Variants in NIBAN1 observed in about 807,000 individuals in gnomAD.
NIBAN1 encodes the protein protein Niban 1.
NIBAN1 carries 81 observed loss-of-function variants against 75.1 expected under a neutral mutation model. The observed-to-expected ratio is 1.08, with a 90% CI of 0.90 to 1.30. The LOEUF (loss-of-function observed/expected upper bound fraction) is 1.30, where lower values mean the gene tolerates loss of function less well. NIBAN1 is among the 50% of genes most tolerant of loss of function. NIBAN1 has a pLI of 0.00. For synonymous variants in NIBAN1, 436 were observed against 424.8 expected, an observed-to-expected ratio of 1.03 and a Z score of -0.32; for missense variants, 1,133 against 1,128.1, an observed-to-expected ratio of 1.00 and a Z score of -0.06.
In NIBAN1 at chr1:184,803,639, T is replaced by C. The variant is rs765563101; in HGVS notation, c.1500A>G (p.Leu500=). The C allele has an allele frequency of 6.2e-7, 1 of 1,614,232 alleles. No individual in the cohort carries two copies. Among genetic ancestry groups the C allele is most frequent in the Non-Finnish European group, 8.5e-7 (1 of 1,180,044 alleles). ...TIRKKIFQEA[L]VQITLPTVQK... The stretch of plus-strand genomic sequence containing the variant: ...GCACAGTGGGAAGTGTGATTTGAAC[T>C]AGTGCCTCTTGAAATATCTTCTTTC... Residue 500 remains leucine (L), a synonymous_variant, in exon 12 of 14, where the codon CTA becomes CTG. Coordinates refer to ENST00000367511, the MANE Select transcript of NIBAN1 (RefSeq NM_052966.4).
At chr1:184,801,617 G>T (rs80216839) in intron 12 of NIBAN1, among the ~76,000 whole-genome samples, 8,058 of 152,244 alleles carry the variant, frequency 0.053, 238 homozygotes, top group Middle Eastern at 0.065. Context: ...AGCAGAGTTT[G>T]GCACTTTCCT....
chr1:184,823,342 A>G lies in NIBAN1; in HGVS notation c.823-13T>C. On this transcript the variant is annotated splice_polypyrimidine_tract_variant and intron_variant, in intron 7 of 13. Coordinates refer to ENST00000367511, the MANE Select transcript of NIBAN1 (RefSeq NM_052966.4). ...CCTCCTCGAGGAGCTGCAACAAGGA[A>G]TAACACATAAATCAGGGCTCTGTCA... is the stretch of plus-strand genomic sequence containing the variant. The G allele has an allele frequency of 1.9e-6, 3 of 1,613,784 alleles. No individual in the cohort carries two copies. The highest frequency in any genetic ancestry group is 1.1e-5 in the South Asian group (1 of 91,056).
intron 1 of NIBAN1, among the ~76,000 whole-genome samples, chr1:184,926,219 A>G (rs1557917282): frequency 6.6e-6 from 1 of 151,948 alleles, no homozygotes; most frequent in Non-Finnish European, 1.5e-5. Context: ...TTGGAGCTCC[A>G]TCGTATGTTT....
chr1:184,935,124 CA>C lies in NIBAN1; in HGVS notation c.56-35816del, dbSNP rs201472819. Among the ~76,000 whole-genome samples, 1,427 of 151,024 alleles carry C rather than the reference CA, an allele frequency of 9.4e-3. 13 individuals are homozygous for C. The highest frequency in any genetic ancestry group is 0.033 in the African/African-American group (1,347 of 40,680). Reference sequence around the variant, plus strand: ...TTTTAGACCATCATTTAATAGCAGACATTTTTTTTTTAAGTTTTAGCAAATG... The same window carrying C: ...TTTTAGACCATCATTTAATAGCAGACTTTTTTTTTTAAGTTTTAGCAAATG... On this transcript the variant is annotated intron_variant, in intron 1 of 13. Transcript: ENST00000367511.
chr1:184,974,462 A>C lies in NIBAN1; in HGVS notation c.-106T>G, dbSNP rs964780493. ...AACCCGGCTCTGAAATTAAGAGCAAACTTCCTTCGAGAGGCGAGAGACAGG... is the reference window on the plus strand; with the variant it reads ...AACCCGGCTCTGAAATTAAGAGCAACCTTCCTTCGAGAGGCGAGAGACAGG... On this transcript the variant is annotated 5_prime_UTR_variant, in exon 1 of 14. Coordinates refer to ENST00000367511, the MANE Select transcript of NIBAN1 (RefSeq NM_052966.4). The C allele has an allele frequency of 8.5e-6, 12 of 1,409,398 alleles. No homozygotes were observed. The Admixed American group carries it at 2.1e-4, about 24-fold the overall frequency. The allele number at this position is 1,409,398 out of a possible 1,614,324, so 87.3% of individuals were successfully genotyped here. A position where few individuals can be genotyped will look rare whatever the true frequency, so the allele number is the denominator to read the frequency against.
chr1:184,969,320 T>C (rs1196986272), intron 1 of NIBAN1, among the ~76,000 whole-genome samples: 2 of 152,200 alleles, frequency 1.3e-5, no homozygotes, highest in African/African-American at 2.4e-5. Context: ...CTAGCTTCTT[T>C]TCTCTGAGAC....
Position 184,825,596 on chromosome 1 carries a change from T to C in NIBAN1, c.718-1854A>G, listed in dbSNP as rs186601976. Among the ~76,000 whole-genome samples, 205 of 152,362 alleles carry C rather than the reference T, an allele frequency of 1.3e-3. 1 individual carries two copies. The highest frequency in any genetic ancestry group is 2.3e-3 in the Non-Finnish European group (158 of 68,040). On this transcript the variant is annotated intron_variant, in intron 6 of 13. Coordinates refer to ENST00000367511, the MANE Select transcript of NIBAN1 (RefSeq NM_052966.4). ...TTTTCAAGTGTTTTTAAAAAATGTG[T>C]TCCCACATCACTCCTAAAATTTTGC...
At position 184,970,773 on chromosome 1, in the gene NIBAN1, G is replaced by A. The variant is rs115617232; in HGVS notation, c.55+3529C>T. 3.7e-3 allele frequency among the ~76,000 whole-genome samples: 564 copies of A among 152,264 alleles called. 5 individuals carry two copies. The highest frequency in any genetic ancestry group is 0.013 in the African/African-American group (539 of 41,536). ...GTTTATCCCATGGTTTTCAGCTGCG[G>A]CACTGACTGTCCAGTACTTTTCTGA... On this transcript the variant is annotated intron_variant, in intron 1 of 13. Transcript: ENST00000367511.
At chr1:184,842,087 G>A (rs1655301964) in intron 5 of NIBAN1, among the ~76,000 whole-genome samples, 1 of 152,206 alleles carries the variant, frequency 6.6e-6, no homozygotes, top group Admixed American at 6.5e-5. Context: ...TAGAAGGGGT[G>A]CTGGTTTAAA....
rs1390992121 is a variant in NIBAN1, at chr1:184,845,652, TACAG to T, written c.602-13694_602-13691del. On this transcript the variant is annotated intron_variant, in intron 5 of 13. Coordinates refer to ENST00000367511, the MANE Select transcript of NIBAN1 (RefSeq NM_052966.4). Reference sequence around the variant, plus strand: ...TGGCCGAATAGGAACAGCTCCGGTCTACAGATCCCAGCGTAAGCGACGCAGAAGA... The same window carrying T: ...TGGCCGAATAGGAACAGCTCCGGTCTATCCCAGCGTAAGCGACGCAGAAGA... 2.4e-4 allele frequency among the ~76,000 whole-genome samples: 7 copies of T among 28,612 alleles called. 2 individuals carry two copies. In the South Asian group the frequency reaches 4.6e-3, roughly 19 times the overall value. 18.8% of individuals were successfully genotyped at this position (28,612 alleles called of 152,430 possible). A position where few individuals can be genotyped will look rare whatever the true frequency, so the allele number is the denominator to read the frequency against.
intron 2 of NIBAN1, among the ~76,000 whole-genome samples, chr1:184,896,683 A>C (rs913539357): frequency 6.6e-6 from 1 of 152,090 alleles, no homozygotes; most frequent in African/African-American, 2.4e-5. Context: ...CAGGACTTAC[A>C]CTTAGGTTTT....
At chr1:184,863,129 C>T (rs377749791) in intron 5 of NIBAN1, among the ~76,000 whole-genome samples, 5 of 152,292 alleles carry the variant, frequency 3.3e-5, no homozygotes, top group East Asian at 1.9e-4. Flanking sequence ...CATCACCACA[C>T]GATGCGGTAG....
At chr1:184,890,794 G>A (rs1284901658) in intron 3 of NIBAN1, among the ~76,000 whole-genome samples, 1 of 152,206 alleles carries the variant, frequency 6.6e-6, no homozygotes, top group African/African-American at 2.4e-5. Flanking sequence ...GTACAGCACT[G>A]TGACATCAGA....
At chr1:184,801,105 G>C (rs1472429212) in intron 12 of NIBAN1, among the ~76,000 whole-genome samples, 1 of 152,144 alleles carries the variant, frequency 6.6e-6, no homozygotes, top group African/African-American at 2.4e-5. Flanking sequence ...CTGGGGGAAG[G>C]CTTCCCACAT....
intron 1 of NIBAN1, among the ~76,000 whole-genome samples, chr1:184,918,759 A>G (rs1657455413): frequency 6.6e-6 from 1 of 152,224 alleles, no homozygotes; most frequent in African/African-American, 2.4e-5. Flanking sequence ...AATGTAATAT[A>G]GTGATTTATT....
rs569676701 is a variant in NIBAN1 at position 184,885,087 on chromosome 1, C to T, written c.434-287G>A. Reference sequence around the variant, plus strand: ...TTTTTGAGACAGAGTCTCGCTCTGTCACCCAGGCTGGAGTACAGTGGCACA... The same window carrying T: ...TTTTTGAGACAGAGTCTCGCTCTGTTACCCAGGCTGGAGTACAGTGGCACA... On this transcript the variant is annotated intron_variant, in intron 4 of 13. Coordinates refer to ENST00000367511, the MANE Select transcript of NIBAN1 (RefSeq NM_052966.4). 7.2e-5 allele frequency among the ~76,000 whole-genome samples: 11 copies of T among 152,272 alleles called. No individual in the cohort carries two copies. In the South Asian group the frequency reaches 2.3e-3, roughly 32 times the overall value.
chr1:184,897,155 G>A (rs1237060031), intron 2 of NIBAN1, among the ~76,000 whole-genome samples: 1 of 152,078 alleles, frequency 6.6e-6, no homozygotes, highest in Non-Finnish European at 1.5e-5. Context: ...TAATGATAGT[G>A]ATTTTTCCAA....
At chr1:184,867,889 C>CTT in intron 5 of NIBAN1, 1 of 985,432 alleles carries the variant, frequency 1.0e-6, no homozygotes, top group Non-Finnish European at 1.2e-6. Context: ...TTTGTTCCAG[C>CTT]TTTTGTCTAC....
intron 12 of NIBAN1, among the ~76,000 whole-genome samples, chr1:184,801,155 C>T (rs7528626): frequency 0.15 from 23,452 of 152,042 alleles, 3,224 homozygotes; most frequent in African/African-American, 0.38. Flanking sequence ...ATGGGATTTG[C>T]GGTCTCTTGC....
Sources: gnomAD v4.1 joint callset for allele counts (sites outside exome capture counted in the v4.1 genomes callset) on GRCh38, gnomAD v4.1.1 for gene constraint, MANE v1.5 for transcripts, NCBI Gene and HGNC (gene_info 2026-07-23, HGNC 2026-07-21) for gene names.